Variants in ARHGAP45 observed in about 807,000 individuals in gnomAD.
The protein encoded by ARHGAP45 is Rho GTPase activating protein 45.
ARHGAP45 carries 56 observed loss-of-function variants against 116.1 expected under a neutral mutation model. That is an observed-to-expected ratio of 0.48 (90% CI 0.39 to 0.60). ARHGAP45 has a LOEUF of 0.60. Among genes scored for constraint, ARHGAP45 ranks in the 20% least tolerant of loss-of-function variants. The pLI is 0.00. For missense variants in ARHGAP45, 1,622 were observed against 1,601.0 expected (o/e 1.01, Z -0.22); for synonymous variants, 866 against 701.7 (o/e 1.23, Z -3.70).
chr19:1,080,918 C>T lies in ARHGAP45; in HGVS notation c.2044C>T (p.Leu682=). 1 of 1,608,826 alleles carries T rather than the reference C, an allele frequency of 6.2e-7. No homozygotes were observed. Among genetic ancestry groups the T allele is most frequent in the Non-Finnish European group, 8.5e-7 (1 of 1,177,910 alleles). ...QADLNGMTPE[L]PVAVPSGPFR... ...TGACCTCAACGGCATGACCCCCGAG[C>T]TGCCGGTGGCCGTGCCCAGTGGACC... is the stretch of plus-strand genomic sequence containing the variant. The change falls in exon 17 of 23, where the codon CTG becomes TTG. Residue 682 remains leucine (L), a synonymous_variant. Transcript: ENST00000313093.
chr19:1,080,929 C>A lies in ARHGAP45; in HGVS notation c.2055C>A (p.Ala685=). 1.2e-6 allele frequency: 2 copies of A among 1,609,368 alleles called. No individual in the cohort carries two copies. Among genetic ancestry groups the A allele is most frequent in the Non-Finnish European group, 8.5e-7 (1 of 1,178,226 alleles). ...GCATGACCCCCGAGCTGCCGGTGGC[C>A]GTGCCCAGTGGACCGTTCCGCCACG... ...LNGMTPELPV[A]VPSGPFRHEG... Residue 685 remains alanine, a synonymous_variant, in exon 17 of 23, where the codon GCC becomes GCA. Coordinates refer to ENST00000313093, the MANE Select transcript of ARHGAP45 (RefSeq NM_012292.5).
intron 13 of ARHGAP45, 58 bp downstream of exon 13, chr19:1,080,176 T>C (rs1157686022): frequency 1.2e-6 from 2 of 1,610,242 alleles, no homozygotes; most frequent in Non-Finnish European, 8.5e-7. Flanking sequence ...GGAGCCGGGC[T>C]TCCCTCTGTC....
Position 1,069,723 on chromosome 19 carries a change from C to T in ARHGAP45, c.421+979C>T, listed in dbSNP as rs748610215. 6.6e-6 allele frequency among the ~76,000 whole-genome samples: 1 copy of T among 152,166 alleles called. No individual in the cohort carries two copies. The highest frequency in any genetic ancestry group is 1.5e-5 in the Non-Finnish European group (1 of 68,004). ...GGAAACCCTAATCTCGGTTCCTTTC[C>T]GATCCTGGCGCTTCCTTGGAGGCCT... On this transcript the variant is annotated intron_variant, in intron 2 of 22. Coordinates refer to ENST00000313093, the MANE Select transcript of ARHGAP45 (RefSeq NM_012292.5). The surrounding 1 kb of genome is among the most constrained non-coding windows in gnomAD (Gnocchi z 4.1).
In ARHGAP45 at chr19:1,077,971, G is replaced by T; in HGVS notation, c.1300G>T (p.Ala434Ser). 3 of 1,553,222 alleles carry T rather than the reference G, an allele frequency of 1.9e-6. No individual in the cohort carries two copies. The highest frequency in any genetic ancestry group is 2.6e-6 in the Non-Finnish European group (3 of 1,147,874). ...GGCGGAGGAGGAGCAGGCTGGCAGC[G>T]CGCCGGGAGCAGGCAGCACGGCCAC... is the stretch of plus-strand genomic sequence containing the variant. Reference protein sequence around the residue: ...AKAEEEQAGSAPGAGSTATKT... With the variant: ...AKAEEEQAGSSPGAGSTATKT... Residue 434 changes from alanine (A) to serine (S), a missense_variant, in exon 11 of 23, where the codon GCG becomes TCG. This residue lies in a region of ARHGAP45 where 1,334 missense variants were observed against 1,263.8 expected (regional missense o/e 1.06). Transcript: ENST00000313093.
At chr19:1,067,813 T>G in intron 1 of ARHGAP45, 1 of 605,048 alleles carries the variant, frequency 1.7e-6, no homozygotes, top group Non-Finnish European at 3.0e-6. Flanking sequence ...TTAGGCAATC[T>G]GGGGGCTCTA....
intron 10 of ARHGAP45, among the ~76,000 whole-genome samples, chr19:1,076,483 CTTTTTTTTTTTTTTT>C (rs71174343): frequency 1.5e-5 from 1 of 64,962 alleles, no homozygotes; most frequent in African/African-American, 5.9e-5. Flanking sequence ...TGGCAGTAGT[CTTTTTTTTTTTTTTT>C]TTTTTTTTTT....
rs1257740811 is a variant in ARHGAP45 at position 1,086,021 on chromosome 19, G to GA, written c.*15_*16insA. On this transcript the variant is annotated 3_prime_UTR_variant, in exon 23 of 23. Coordinates refer to ENST00000313093, the MANE Select transcript of ARHGAP45 (RefSeq NM_012292.5). ...AATTCGTGTGAGCTGGGGTGGGGCT[G>GA]GGACCACAGGTGGCTTCTCTCTTGC... 3.1e-6 allele frequency: 5 copies of GA among 1,600,834 alleles called. No individual in the cohort carries two copies. The African/African-American group carries it at 5.4e-5, about 17-fold the overall frequency.
intron 11 of ARHGAP45, among the ~76,000 whole-genome samples, 160 bp downstream of exon 11, chr19:1,078,205 A>G (rs1351746361): frequency 1.5e-4 from 23 of 148,992 alleles, no homozygotes; most frequent in African/African-American, 3.2e-4. Flanking sequence ...GTGCAGTGGC[A>G]CAGTCTCGGC....
chr19:1,084,882 G>A (rs1183367852), intron 22 of ARHGAP45, among the ~76,000 whole-genome samples: 2 of 152,188 alleles, frequency 1.3e-5, no homozygotes, highest in Non-Finnish European at 2.9e-5. Flanking sequence ...AGGAGTTCAA[G>A]ACCAGCCTGA....
chr19:1,074,400 T>G lies in ARHGAP45; in HGVS notation c.986T>G (p.Met329Arg). 1 of 1,566,580 alleles carries G rather than the reference T, an allele frequency of 6.4e-7. No homozygotes were observed. The highest frequency in any genetic ancestry group is 8.7e-7 in the Non-Finnish European group (1 of 1,154,902). ...GCTCACAACTGCAGACAGAGCGTCA[T>G]GCAGGAGGTGGGGGCCCCGCGGGCA... ...KIAHNCRQSV[M>R]QEPHMPLLSI... Residue 329 changes from methionine to arginine, a missense_variant, in exon 8 of 23, where the codon ATG (methionine) becomes AGG (arginine). By Grantham distance (91) the Met-to-Arg change is moderately conservative. This residue lies in a region of ARHGAP45 where 1,334 missense variants were observed against 1,263.8 expected (regional missense o/e 1.06). Coordinates refer to ENST00000313093, the MANE Select transcript of ARHGAP45 (RefSeq NM_012292.5).
At chr19:1,076,483 C>CTTTTTTTTTTTTTTTTTTTTTTT (rs71174343) in intron 10 of ARHGAP45, among the ~76,000 whole-genome samples, 1 of 64,982 alleles carries the variant, frequency 1.5e-5, no homozygotes, top group African/African-American at 5.9e-5. Context: ...TGGCAGTAGT[C>CTTTTTTTTTTTTTTTTTTTTTTT]TTTTTTTTTT....
chr19:1,079,386 G>A (rs1443703754), intron 11 of ARHGAP45, among the ~76,000 whole-genome samples: 3 of 149,664 alleles, frequency 2.0e-5, no homozygotes, highest in Non-Finnish European at 4.4e-5. Context: ...GGGGGCACCT[G>A]TAATCCGTTA....
At position 1,081,538 on chromosome 19, in the gene ARHGAP45, G is replaced by A. The variant is rs1349525618; in HGVS notation, c.2191-12G>A. On this transcript the variant is annotated splice_polypyrimidine_tract_variant and intron_variant, in intron 17 of 22. Transcript: ENST00000313093. ...CCCCGGGGCTGGGCTCACTCACTCT[G>A]GCCGCCCCCAGTGCTGCCTGGCCTG... The A allele has an allele frequency of 6.9e-7, 1 of 1,455,174 alleles. No individual in the cohort carries two copies. Among genetic ancestry groups the A allele is most frequent in the East Asian group, 2.5e-5 (1 of 39,410 alleles). The allele number at this position is 1,455,174 out of a possible 1,614,324, so 90.1% of individuals were successfully genotyped here. A position where few individuals can be genotyped will look rare whatever the true frequency, so the allele number is the denominator to read the frequency against.
intron 2 of ARHGAP45, among the ~76,000 whole-genome samples, chr19:1,070,781 G>A (rs1318745411): frequency 1.3e-5 from 2 of 152,102 alleles, no homozygotes; most frequent in Non-Finnish European, 2.9e-5. Context: ...ACCGCGCCCG[G>A]CTGGGGGCGC....
chr19:1,073,038 T>C, intron 2 of ARHGAP45, 111 bp from the exon 3 acceptor site: 1 of 1,314,876 alleles, frequency 7.6e-7, no homozygotes, highest in Non-Finnish European at 1.0e-6. Context: ...GTCTTCCACC[T>C]CTGCCTCAGT....
intron 22 of ARHGAP45, 134 bp downstream of exon 22, chr19:1,084,480 G>A (rs558393763): frequency 7.9e-5 from 51 of 646,212 alleles, no homozygotes; most frequent in Non-Finnish European, 1.1e-4. Context: ...CGTCTGCCAC[G>A]GAGACCACAC....
chr19:1,074,616 C>A lies in ARHGAP45; in HGVS notation c.996C>A (p.Pro332=). Residue 332 remains proline, a splice_region_variant and synonymous_variant, in exon 9 of 23, where the codon CCC becomes CCA. Transcript: ENST00000313093. ...HNCRQSVMQE[P]HMPLLSIYSL... ...GTGAGCCGGTGCCCCACCCACAGCCCCACATGCCGCTCCTGTCCATCTACT... is the reference window on the plus strand; with the variant it reads ...GTGAGCCGGTGCCCCACCCACAGCCACACATGCCGCTCCTGTCCATCTACT... The A allele has an allele frequency of 6.3e-7, 1 of 1,580,188 alleles. No individual in the cohort carries two copies.
chr19:1,075,012 C>A lies in ARHGAP45; in HGVS notation c.1185+133C>A, dbSNP rs867172960. 1.1e-5 allele frequency: 7 copies of A among 663,004 alleles called. No individual in the cohort carries two copies. The African/African-American group carries it at 1.2e-4, about 12-fold the overall frequency. The allele number at this position is 663,004 out of a possible 1,614,324, so 41.1% of individuals were successfully genotyped here. A position where few individuals can be genotyped will look rare whatever the true frequency, so the allele number is the denominator to read the frequency against. On this transcript the variant is annotated intron_variant, in intron 10 of 22. Coordinates refer to ENST00000313093, the MANE Select transcript of ARHGAP45 (RefSeq NM_012292.5). ...CCCCGGCCTCCTGCGCATGCGCGGC[C>A]TCGCAGGCTGGGCCGCCCCCCCCAA...
chr19:1,068,313 G>A lies in ARHGAP45; in HGVS notation c.91-101G>A. 1 of 1,078,584 alleles carries A rather than the reference G, an allele frequency of 9.3e-7. No individual in the cohort carries two copies. The highest frequency in any genetic ancestry group is 1.3e-6 in the Non-Finnish European group (1 of 769,464). The allele number at this position is 1,078,584 out of a possible 1,614,324, so 66.8% of individuals were successfully genotyped here. On this transcript the variant is annotated intron_variant, in intron 1 of 22. Transcript: ENST00000313093. The surrounding 1 kb of genome is among the most constrained non-coding windows in gnomAD (Gnocchi z 7.5). ...GGCCTTTGACCCCTGTGGGGTCAGG[G>A]TGATGGTGGCCCTCCACAGCCCCAC...
Sources: gnomAD v4.1 joint callset for allele counts (sites outside exome capture counted in the v4.1 genomes callset) on GRCh38, gnomAD v4.1.1 for gene constraint, gnomAD v4.1.1 regional missense constraint, Gnocchi (gnomAD v3.1) non-coding constraint, MANE v1.5 for transcripts, NCBI Gene and HGNC (gene_info 2026-07-23, HGNC 2026-07-21) for gene names.